The following KLHL1 variants were observed in gnomAD, a reference collection of about 807,000 sequenced individuals.
The protein encoded by KLHL1 is kelch like family member 1, also known as kelch-like protein 1.
In KLHL1, 47 loss-of-function variants were observed where a neutral mutation model predicts 77.7. The observed-to-expected ratio is 0.60, with a 90% CI of 0.48 to 0.77. The LOEUF is 0.77. KLHL1 is among the 30% of genes least tolerant of loss of function. The probability of loss-of-function intolerance (pLI) is 0.00; values close to 1 mark genes in which losing one functional copy is unlikely to be tolerated. For missense variants in KLHL1, 925 were observed against 910.8 expected (o/e 1.02, Z -0.20); for synonymous variants, 360 against 325.2 (o/e 1.11, Z -1.15).
chr13:69,912,474 T>C (rs972516160), intron 4 of KLHL1, among the ~76,000 whole-genome samples: 3 of 152,224 alleles, frequency 2.0e-5, no homozygotes, highest in Admixed American at 2.0e-4. Context: ...TATTCAATCA[T>C]AATTTTCATA....
intron 1 of KLHL1, among the ~76,000 whole-genome samples, chr13:70,086,645 A>G (rs1383295631): frequency 1.4e-5 from 2 of 147,070 alleles, no homozygotes; most frequent in Non-Finnish European, 3.0e-5. Flanking sequence ...AAGAAAAAGA[A>G]AACAAGACTT....
chr13:69,911,269 C>T (rs1882229884), intron 4 of KLHL1, among the ~76,000 whole-genome samples: 3 of 151,828 alleles, frequency 2.0e-5, no homozygotes, highest in Non-Finnish European at 2.9e-5. Context: ...TTTAGTATGT[C>T]TAGTTAAACA....
chr13:70,064,554 T>C (rs1886962987), intron 1 of KLHL1, among the ~76,000 whole-genome samples: 1 of 152,212 alleles, frequency 6.6e-6, no homozygotes, highest in African/African-American at 2.4e-5. Context: ...AACCTCATTG[T>C]CATGGTTGTA....
At chr13:69,819,912 C>A (rs1878266796) in intron 6 of KLHL1, among the ~76,000 whole-genome samples, 1 of 152,190 alleles carries the variant, frequency 6.6e-6, no homozygotes, top group South Asian at 2.1e-4. Flanking sequence ...ATGAAATAAT[C>A]TGTTATAAAT....
intron 1 of KLHL1, 111 bp downstream of exon 1, chr13:70,107,092 A>G: frequency 3.4e-6 from 5 of 1,480,806 alleles, no homozygotes; most frequent in Non-Finnish European, 4.5e-6. Flanking sequence ...GGCATCTCTT[A>G]ACCCACATTT....
At chr13:70,036,778 G>C (rs918213650) in intron 1 of KLHL1, among the ~76,000 whole-genome samples, 1 of 112,700 alleles carries the variant, frequency 8.9e-6, no homozygotes, top group African/African-American at 3.3e-5. Flanking sequence ...CACTTTTCTT[G>C]TTTCCTTTTA....
At chr13:69,745,082 G>A (rs1164085469) in intron 7 of KLHL1, among the ~76,000 whole-genome samples, 1 of 151,742 alleles carries the variant, frequency 6.6e-6, no homozygotes, top group Non-Finnish European at 1.5e-5. Flanking sequence ...CAGTAAAGGA[G>A]AGGAACCCCG....
At chr13:69,995,251 T>C (rs1282578847) in intron 1 of KLHL1, among the ~76,000 whole-genome samples, 7 of 152,140 alleles carry the variant, frequency 4.6e-5, no homozygotes, top group Non-Finnish European at 8.8e-5. Context: ...AGTTTGGTGG[T>C]TCCTGTTATG....
At chr13:70,006,252 TC>T (rs1349300278) in intron 1 of KLHL1, among the ~76,000 whole-genome samples, 2 of 152,090 alleles carry the variant, frequency 1.3e-5, no homozygotes, top group Non-Finnish European at 2.9e-5. Context: ...ATTTTCTTTA[TC>T]TATTTGCTTA....
At chr13:70,049,764 G>A (rs1294051801) in intron 1 of KLHL1, among the ~76,000 whole-genome samples, 1 of 151,812 alleles carries the variant, frequency 6.6e-6, no homozygotes, top group Non-Finnish European at 1.5e-5. Flanking sequence ...TAAACAATGC[G>A]GTGTTTCGAG....
chr13:69,744,006 G>A (rs1012756273), intron 7 of KLHL1, among the ~76,000 whole-genome samples: 4 of 152,064 alleles, frequency 2.6e-5, no homozygotes, highest in Non-Finnish European at 5.9e-5. Flanking sequence ...TAAATAGGCA[G>A]TTAAATATAC....
intron 1 of KLHL1, among the ~76,000 whole-genome samples, chr13:70,072,526 T>C (rs886230080): frequency 6.6e-6 from 1 of 152,130 alleles, no homozygotes; most frequent in Non-Finnish European, 1.5e-5. Flanking sequence ...CTTGTAGATA[T>C]GTGCGAAATC....
intron 1 of KLHL1, among the ~76,000 whole-genome samples, chr13:70,042,562 G>C (rs918585986): frequency 1.3e-5 from 2 of 151,698 alleles, no homozygotes; most frequent in Non-Finnish European, 2.9e-5. Context: ...TGGTGATGCT[G>C]GTATAAACAA....
intron 4 of KLHL1, among the ~76,000 whole-genome samples, chr13:69,932,290 T>A (rs1177988676): frequency 6.6e-6 from 1 of 151,726 alleles, no homozygotes; most frequent in Non-Finnish European, 1.5e-5. Flanking sequence ...GGGATTTTTG[T>A]ATGTATAAAA....
intron 9 of KLHL1, among the ~76,000 whole-genome samples, chr13:69,712,368 T>C (rs1252721025): frequency 1.3e-5 from 2 of 152,168 alleles, no homozygotes; most frequent in East Asian, 1.9e-4. Context: ...TAATGTGATA[T>C]GCAATAGAGG....
In KLHL1 at chr13:70,086,591, AAAGAAAG is replaced by A. The variant is rs1209326793; in HGVS notation, c.497+20605_497+20611del. ...CTGTCTCAAAAAAAAAAAAAAAAAA[AAAGAAAG>A]AAAGAAAGAAAGAAAGAAAGAAAGA... On this transcript the variant is annotated intron_variant, in intron 1 of 10. Coordinates refer to ENST00000377844, the MANE Select transcript of KLHL1 (RefSeq NM_020866.3). Among the ~76,000 whole-genome samples, 298 of 32,428 alleles carry A rather than the reference AAAGAAAG, an allele frequency of 9.2e-3. 8 individuals carry two copies. The highest frequency in any genetic ancestry group is 0.025 in the African/African-American group (255 of 10,194). The allele number at this position is 32,428 out of a possible 152,430, so 21.3% of individuals were successfully genotyped here. A position where few individuals can be genotyped will look rare whatever the true frequency, so the allele number is the denominator to read the frequency against.
At chr13:69,750,558 AC>A (rs986484184) in intron 7 of KLHL1, among the ~76,000 whole-genome samples, 22 of 151,732 alleles carry the variant, frequency 1.4e-4, no homozygotes, top group Admixed American at 5.9e-4. Flanking sequence ...CACAAAAATC[AC>A]CCCCAAAATA....
chr13:69,827,368 AT>A (rs1350151553), intron 6 of KLHL1, among the ~76,000 whole-genome samples: 2 of 151,956 alleles, frequency 1.3e-5, no homozygotes, highest in Admixed American at 1.3e-4. Flanking sequence ...CTTCAGTAAA[AT>A]TCTAAATAAA....
intron 4 of KLHL1, among the ~76,000 whole-genome samples, chr13:69,897,967 T>C (rs1881708201): frequency 6.6e-6 from 1 of 152,226 alleles, no homozygotes; most frequent in Non-Finnish European, 1.5e-5. Context: ...AAGTTTCAAC[T>C]GACAAATTCC....
Sources: allele counts gnomAD v4.1 joint callset (sites outside exome capture counted in the v4.1 genomes callset), GRCh38; gene constraint gnomAD v4.1.1; transcripts MANE v1.5; gene names NCBI Gene and HGNC (gene_info 2026-07-23, HGNC 2026-07-21).